The following CDH2 variants were observed in gnomAD, a reference collection of about 807,000 sequenced individuals.
CDH2 encodes cadherin 2.
CDH2 carries 17 observed loss-of-function variants against 92.0 expected under a neutral mutation model. That is an observed-to-expected ratio of 0.18 (90% CI 0.13 to 0.28). The LOEUF is 0.28. CDH2 is among the 10% of genes least tolerant of loss of function. The probability of loss-of-function intolerance (pLI) is 1.00; values close to 1 mark genes in which losing one functional copy is unlikely to be tolerated. For missense variants in CDH2, 862 were observed against 1,133.1 expected (o/e 0.76, Z 3.44); for synonymous variants, 419 against 415.9 (o/e 1.01, Z -0.09).
At chr18:27,969,328 G>A (rs1176478529) in intron 14 of CDH2, among the ~76,000 whole-genome samples, 1 of 152,126 alleles carries the variant, frequency 6.6e-6, no homozygotes, top group Non-Finnish European at 1.5e-5. Context: ...CTTCCCACAA[G>A]GGAGAGGACT....
chr18:28,155,044 A>G (rs756916884), intron 1 of CDH2, among the ~76,000 whole-genome samples: 14 of 152,138 alleles, frequency 9.2e-5, no homozygotes, highest in Non-Finnish European at 1.8e-4. Flanking sequence ...CAATTACATT[A>G]TTGTTTGGGA....
intron 7 of CDH2, among the ~76,000 whole-genome samples, chr18:27,994,633 G>A (rs2847363): frequency 0.99 from 150,720 of 152,338 alleles, 74,589 homozygotes; most frequent in Middle Eastern, 1. Context: ...AACAAAATCC[G>A]CTACATACAA....
chr18:27,964,099 G>A (rs1316508269), intron 14 of CDH2, among the ~76,000 whole-genome samples: 2 of 152,140 alleles, frequency 1.3e-5, no homozygotes, highest in Non-Finnish European at 2.9e-5. Flanking sequence ...AAAGAAAAAT[G>A]TGCTACAGGG....
At chr18:27,977,162 A>G (rs1329196479) in intron 14 of CDH2, among the ~76,000 whole-genome samples, 1 of 6,888 alleles carries the variant, frequency 1.5e-4, no homozygotes, top group Non-Finnish European at 0.012. Flanking sequence ...AAAAGAGACT[A>G]GATATACTAA....
chr18:27,972,496 A>G (rs1202578043), intron 14 of CDH2, among the ~76,000 whole-genome samples: 1 of 152,238 alleles, frequency 6.6e-6, no homozygotes, highest in Non-Finnish European at 1.5e-5. Context: ...GTCATCAGGA[A>G]CATTATAAAG....
At chr18:28,124,920 A>C (rs774840118) in intron 2 of CDH2, among the ~76,000 whole-genome samples, 9 of 152,230 alleles carry the variant, frequency 5.9e-5, no homozygotes, top group Non-Finnish European at 1.2e-4. Context: ...TAATTATTTG[A>C]AAACAGCATT....
At chr18:28,041,508 A>G (rs1188766589) in intron 2 of CDH2, among the ~76,000 whole-genome samples, 26 of 152,230 alleles carry the variant, frequency 1.7e-4, no homozygotes, top group Non-Finnish European at 1.5e-5. Context: ...GCAAAGATGA[A>G]CAGTCAGCAG....
rs147235823 is a variant in CDH2, at chr18:27,963,372, C to T, written c.2499G>A (p.Gly833=). ...CTCTCTGTACCTCATTAATGAAGTCCCCAATGTCTCCAGGGTGTGGGGCTG... is the reference window on the plus strand; with the variant it reads ...CTCTCTGTACCTCATTAATGAAGTCTCCAATGTCTCCAGGGTGTGGGGCTG... ...RSAAPHPGDI[G]DFINEGLKAA... Residue 833 remains glycine, a synonymous_variant, in exon 15 of 16, where the codon GGG becomes GGA. Coordinates refer to ENST00000269141, the MANE Select transcript of CDH2 (RefSeq NM_001792.5). 1 of 1,613,868 alleles carries T rather than the reference C, an allele frequency of 6.2e-7. No homozygotes were observed. Among genetic ancestry groups the T allele is most frequent in the African/African-American group, 1.3e-5 (1 of 74,950 alleles).
chr18:27,973,479 A>C (rs1438499316), intron 14 of CDH2, among the ~76,000 whole-genome samples: 1 of 152,148 alleles, frequency 6.6e-6, no homozygotes, highest in Non-Finnish European at 1.5e-5. Context: ...TGAACCTTAC[A>C]TTCCGTTTCT....
At chr18:28,154,972 A>G (rs1941384) in intron 1 of CDH2, among the ~76,000 whole-genome samples, 128,437 of 152,218 alleles carry the variant, frequency 0.84, 54,308 homozygotes, top group African/African-American at 0.87. Context: ...ATTGGATGTC[A>G]GGTTAAAACA....
At chr18:28,172,557 G>A (rs2016480875) in intron 1 of CDH2, among the ~76,000 whole-genome samples, 1 of 152,074 alleles carries the variant, frequency 6.6e-6, no homozygotes. Flanking sequence ...TGATTTGTTG[G>A]TACCAATTAT....
intron 2 of CDH2, among the ~76,000 whole-genome samples, chr18:28,095,791 TA>T (rs2015121667): frequency 9.6e-6 from 1 of 104,204 alleles, no homozygotes; most frequent in Non-Finnish European, 1.8e-5. Flanking sequence ...GCCTGGGCAA[TA>T]GGATGCAACT....
At chr18:27,950,356 A>G (rs7236269), downstream of CDH2, among the ~76,000 whole-genome samples, 424 of 152,274 alleles carry the variant, frequency 2.8e-3, no homozygotes, top group African/African-American at 9.8e-3. Flanking sequence ...ATTCAGAATG[A>G]ATCATAGTAA....
chr18:28,152,221 GTACAGTGAAA>G (rs1375041444), intron 1 of CDH2, among the ~76,000 whole-genome samples: 1 of 152,108 alleles, frequency 6.6e-6, no homozygotes, highest in Non-Finnish European at 1.5e-5. Flanking sequence ...TCACACAGAG[GTACAGTGAAA>G]TACCCAAGAC....
intron 14 of CDH2, among the ~76,000 whole-genome samples, chr18:27,981,582 A>G (rs1215630803): frequency 6.6e-6 from 1 of 152,218 alleles, no homozygotes; most frequent in African/African-American, 2.4e-5. Context: ...AAACTCTGAA[A>G]GTAAATCATG....
At chr18:28,140,318 T>A (rs147163590) in intron 2 of CDH2, among the ~76,000 whole-genome samples, 3 of 152,072 alleles carry the variant, frequency 2.0e-5, no homozygotes, top group African/African-American at 7.2e-5. Flanking sequence ...TTGAACTTCA[T>A]TAAAATTAAA....
chr18:28,011,818 GA>G, intron 4 of CDH2, 27 bp downstream of exon 4: 2 of 1,607,066 alleles, frequency 1.2e-6, no homozygotes, highest in South Asian at 2.2e-5. Flanking sequence ...CTTGTGGTAT[GA>G]AAACAGTTAA....
At chr18:28,114,737 T>G (rs1225289568) in intron 2 of CDH2, among the ~76,000 whole-genome samples, 3 of 152,044 alleles carry the variant, frequency 2.0e-5, no homozygotes, top group Non-Finnish European at 4.4e-5. Flanking sequence ...TGAGAGATTT[T>G]AGTTATAGGG....
At chr18:28,164,275 C>T (rs17469357) in intron 1 of CDH2, among the ~76,000 whole-genome samples, 330 of 152,270 alleles carry the variant, frequency 2.2e-3, no homozygotes, top group Non-Finnish European at 3.9e-3. Flanking sequence ...ACAAAATAAC[C>T]TTGTGCAGCT....
Sources: allele counts gnomAD v4.1 joint callset (sites outside exome capture counted in the v4.1 genomes callset), GRCh38; gene constraint gnomAD v4.1.1; transcripts MANE v1.5; gene names NCBI Gene and HGNC (gene_info 2026-07-23, HGNC 2026-07-21).